PTPRD: variants seen among roughly 807,000 people sequenced by gnomAD.
The protein encoded by PTPRD is receptor-type tyrosine-protein phosphatase delta.
In PTPRD, 34 loss-of-function variants were observed where a neutral mutation model predicts 214.5. The observed-to-expected ratio is 0.16, with a 90% CI of 0.12 to 0.21. The LOEUF (loss-of-function observed/expected upper bound fraction) is 0.21, where lower values mean the gene tolerates loss of function less well. Ranked by LOEUF, PTPRD falls within the 10% of genes least tolerant of loss-of-function variation. The probability of loss-of-function intolerance (pLI) is 1.00; values close to 1 mark genes in which losing one functional copy is unlikely to be tolerated. For synonymous variants in PTPRD, 1,128 were observed against 845.7 expected, an observed-to-expected ratio of 1.33 and a Z score of -5.79; for missense variants, 2,545 against 2,398.7, an observed-to-expected ratio of 1.06 and a Z score of -1.27.
chr9:8,446,894 G>C (rs1353564394), intron 34 of PTPRD, among the ~76,000 whole-genome samples: 1 of 152,166 alleles, frequency 6.6e-6, no homozygotes, highest in Non-Finnish European at 1.5e-5. Context: ...CCCACATTCT[G>C]CTCTCATCCT....
chr9:10,568,212 C>T (rs1184889807), intron 2 of PTPRD, among the ~76,000 whole-genome samples: 36 of 149,612 alleles, frequency 2.4e-4, no homozygotes, highest in East Asian at 1.2e-3. Context: ...TGAGAACATG[C>T]GGTGTTTGGT....
At chr9:10,390,634 G>A (rs1406289379) in intron 2 of PTPRD, among the ~76,000 whole-genome samples, 1 of 151,586 alleles carries the variant, frequency 6.6e-6, no homozygotes, top group East Asian at 2.0e-4. Flanking sequence ...TTCACTTTTT[G>A]GCCATGACCT....
chr9:10,017,611 G>T (rs543440410), intron 4 of PTPRD, among the ~76,000 whole-genome samples: 12 of 152,096 alleles, frequency 7.9e-5, no homozygotes, highest in African/African-American at 2.6e-4. Flanking sequence ...GTGTGAAGTA[G>T]GAGGCCAATT....
intron 35 of PTPRD, among the ~76,000 whole-genome samples, chr9:8,423,428 C>A (rs2094481393): frequency 6.6e-6 from 1 of 152,154 alleles, no homozygotes; most frequent in Non-Finnish European, 1.5e-5. Flanking sequence ...CAGCTCCTAT[C>A]TTTTCAAATC....
chr9:8,719,097 A>T (rs2098465696), intron 12 of PTPRD, among the ~76,000 whole-genome samples: 1 of 152,148 alleles, frequency 6.6e-6, no homozygotes, highest in Admixed American at 6.5e-5. Flanking sequence ...CTTTCCAAGC[A>T]AATGTAATAC....
At chr9:10,251,254 C>A (rs2092733571) in intron 3 of PTPRD, among the ~76,000 whole-genome samples, 2 of 152,078 alleles carry the variant, frequency 1.3e-5, no homozygotes, top group Non-Finnish European at 2.9e-5. Flanking sequence ...TATAAATTAG[C>A]CTTCACAATC....
intron 43 of PTPRD, among the ~76,000 whole-genome samples, 169 bp from the exon 44 acceptor site, chr9:8,331,905 T>A (rs151101170): frequency 1.3e-5 from 2 of 150,966 alleles, no homozygotes; most frequent in African/African-American, 4.9e-5. Context: ...GCTATAAATA[T>A]TGTCCACACT....
At chr9:10,294,303 A>G (rs1331228595) in intron 3 of PTPRD, among the ~76,000 whole-genome samples, 5 of 152,094 alleles carry the variant, frequency 3.3e-5, no homozygotes, top group African/African-American at 1.2e-4. Flanking sequence ...TTGAAAATAC[A>G]GGAAGAAAAA....
chr9:9,903,000 T>C (rs1054331906), intron 5 of PTPRD, among the ~76,000 whole-genome samples: 1 of 152,046 alleles, frequency 6.6e-6, no homozygotes, highest in Non-Finnish European at 1.5e-5. Context: ...TTAAGGGAGT[T>C]TTACCTGAGT....
intron 7 of PTPRD, among the ~76,000 whole-genome samples, chr9:9,681,731 A>T (rs1251223600): frequency 2.6e-5 from 4 of 151,774 alleles, no homozygotes; most frequent in African/African-American, 9.7e-5. Context: ...AATAACAGAA[A>T]ATTGAATGTT....
chr9:8,746,022 G>A (rs747564090), intron 11 of PTPRD, among the ~76,000 whole-genome samples: 1 of 152,082 alleles, frequency 6.6e-6, no homozygotes, highest in Non-Finnish European at 1.5e-5. Flanking sequence ...TGAACTCCTG[G>A]ACTCAAAACA....
At chr9:8,425,631 A>G (rs904612387) in intron 35 of PTPRD, among the ~76,000 whole-genome samples, 2 of 152,092 alleles carry the variant, frequency 1.3e-5, no homozygotes, top group African/African-American at 4.8e-5. Flanking sequence ...TCCCACTCCC[A>G]AGATTAACTT....
At chr9:10,366,148 A>G (rs1444358251) in intron 2 of PTPRD, among the ~76,000 whole-genome samples, 2 of 152,136 alleles carry the variant, frequency 1.3e-5, no homozygotes, top group Non-Finnish European at 2.9e-5. Flanking sequence ...TTTGGTTGAA[A>G]CATGCTGTAG....
At chr9:10,211,474 G>C (rs972150849) in intron 3 of PTPRD, among the ~76,000 whole-genome samples, 1 of 152,122 alleles carries the variant, frequency 6.6e-6, no homozygotes, top group Non-Finnish European at 1.5e-5. Flanking sequence ...ATGAAGCTGT[G>C]AGGCATAACA....
At chr9:10,213,772 C>T (rs1211236389) in intron 3 of PTPRD, among the ~76,000 whole-genome samples, 3 of 152,026 alleles carry the variant, frequency 2.0e-5, no homozygotes, top group Non-Finnish European at 4.4e-5. Context: ...TTTGTTGTTA[C>T]CAAAATACAA....
rs111579387 is a variant in PTPRD, at chr9:9,962,205, G to A, written c.-471-23595C>T. On this transcript the variant is annotated intron_variant, in intron 4 of 45. Coordinates refer to ENST00000381196, the MANE Select transcript of PTPRD (RefSeq NM_002839.4). ...ATGAAGGCTGAACATATCAAAATAC[G>A]TCAGGAATTTATGACTGGTCAAGTT... Among the ~76,000 whole-genome samples, 1,193 of 152,092 alleles carry A rather than the reference G, an allele frequency of 7.8e-3. 13 individuals are homozygous for A. Among genetic ancestry groups the A allele is most frequent in the Middle Eastern group, 0.014 (4 of 294 alleles).
chr9:8,589,548 T>C (rs564593527), intron 14 of PTPRD, among the ~76,000 whole-genome samples: 2 of 152,314 alleles, frequency 1.3e-5, no homozygotes, highest in East Asian at 3.9e-4. Context: ...GAAAACAAGA[T>C]ACTACTTGGA....
At chr9:9,059,506 T>C (rs1187545532) in intron 10 of PTPRD, among the ~76,000 whole-genome samples, 3 of 152,034 alleles carry the variant, frequency 2.0e-5, no homozygotes, top group South Asian at 2.1e-4. Flanking sequence ...TAAGGAACCA[T>C]GAATGGACAC....
intron 30 of PTPRD, among the ~76,000 whole-genome samples, chr9:8,477,197 C>T (rs572146613): frequency 6.6e-6 from 1 of 151,892 alleles, no homozygotes; most frequent in African/African-American, 2.4e-5. Context: ...CTGCTTTGCC[C>T]GTCTGCCTCA....
Sources: gnomAD v4.1 joint callset for allele counts (sites outside exome capture counted in the v4.1 genomes callset) on GRCh38, gnomAD v4.1.1 for gene constraint, MANE v1.5 for transcripts, NCBI Gene and HGNC (gene_info 2026-07-23, HGNC 2026-07-21) for gene names.